RTN1: variants seen among roughly 807,000 people sequenced by gnomAD.
RTN1 encodes the protein reticulon 1.
A neutral mutation model predicts 65.5 loss-of-function variants in RTN1; 25 were observed. The ratio of observed to expected loss-of-function variants is 0.38; its 90% CI spans 0.28 to 0.53. RTN1 has a LOEUF of 0.53. Ranked by LOEUF, RTN1 falls within the 20% of genes least tolerant of loss-of-function variation. The pLI is 0.79. For missense variants in RTN1, 983 were observed against 1,025.4 expected (o/e 0.96, Z 0.57); for synonymous variants, 471 against 447.6 (o/e 1.05, Z -0.66).
intron 1 of RTN1, among the ~76,000 whole-genome samples, chr14:59,776,704 C>T (rs1171371233): frequency 6.6e-6 from 1 of 152,088 alleles, no homozygotes; most frequent in East Asian, 1.9e-4. Context: ...CTCTGATGCT[C>T]CTTTGGAGCT....
chr14:59,778,951 C>G (rs571959553), intron 1 of RTN1, among the ~76,000 whole-genome samples: 95 of 152,110 alleles, frequency 6.2e-4, no homozygotes, highest in African/African-American at 2.2e-3. Context: ...TGGGGAGTCA[C>G]CGAAGGGCTT....
chr14:59,695,838 A>G (rs1884052403), intron 3 of RTN1, among the ~76,000 whole-genome samples: 1 of 151,998 alleles, frequency 6.6e-6, no homozygotes. Context: ...TTATATTTAT[A>G]TATACATATA....
chr14:59,760,942 T>A (rs1022030970), intron 1 of RTN1, among the ~76,000 whole-genome samples: 7 of 152,196 alleles, frequency 4.6e-5, no homozygotes, highest in African/African-American at 1.7e-4. Context: ...GGGACAATAA[T>A]GATACAGAGG....
At chr14:59,724,110 C>T (rs985686893) in intron 3 of RTN1, among the ~76,000 whole-genome samples, 2 of 152,046 alleles carry the variant, frequency 1.3e-5, no homozygotes, top group Admixed American at 6.5e-5. Flanking sequence ...TATAACAGGT[C>T]ATCCTAGAAG....
intron 1 of RTN1, among the ~76,000 whole-genome samples, chr14:59,821,659 ATGGCTC>A (rs1886946606): frequency 6.6e-6 from 1 of 152,148 alleles, no homozygotes; most frequent in Non-Finnish European, 1.5e-5. Flanking sequence ...TTTGTCATAG[ATGGCTC>A]TTACTATCTT....
At chr14:59,606,780 G>A (rs1161681946) in intron 4 of RTN1, among the ~76,000 whole-genome samples, 2 of 152,172 alleles carry the variant, frequency 1.3e-5, no homozygotes, top group African/African-American at 4.8e-5. Context: ...AAATGTAGAG[G>A]AGGATACATG....
chr14:59,826,415 T>C (rs1887031856), intron 1 of RTN1, among the ~76,000 whole-genome samples: 1 of 152,126 alleles, frequency 6.6e-6, no homozygotes, highest in South Asian at 2.1e-4. Context: ...TGTTAATGAG[T>C]ATTGTCCTGG....
At chr14:59,651,734 AAAACAAAC>A (rs754385867) in intron 3 of RTN1, among the ~76,000 whole-genome samples, 3 of 152,032 alleles carry the variant, frequency 2.0e-5, no homozygotes, top group Non-Finnish European at 4.4e-5. Context: ...ACTCCATCTC[AAAACAAAC>A]AAACAAACAA....
chr14:59,848,578 T>C (rs1887450253), intron 1 of RTN1, among the ~76,000 whole-genome samples: 2 of 152,230 alleles, frequency 1.3e-5, no homozygotes. Context: ...GATTTAAGAT[T>C]GGCCATATGA....
intron 3 of RTN1, among the ~76,000 whole-genome samples, chr14:59,624,753 G>A (rs1213090760): frequency 2.0e-5 from 3 of 152,160 alleles, no homozygotes; most frequent in African/African-American, 7.2e-5. Flanking sequence ...TGAGCCAACT[G>A]TGCCTGGCCT....
In RTN1 at chr14:59,738,875, T is replaced by C. The variant is rs367838884; in HGVS notation, c.1015+6833A>G. Among the ~76,000 whole-genome samples the C allele has an allele frequency of 5.1e-4, 78 of 152,290 alleles. 1 individual carries two copies. The highest frequency in any genetic ancestry group is 1.8e-3 in the African/African-American group (73 of 41,574). ...GGACATGGATGGAGCTGGAGGCCATTATCCTTAGCAAACTAATGCAGGAAC... is the reference window on the plus strand; with the variant it reads ...GGACATGGATGGAGCTGGAGGCCATCATCCTTAGCAAACTAATGCAGGAAC... On this transcript the variant is annotated intron_variant, in intron 2 of 8. Transcript: ENST00000267484.
chr14:59,607,197 A>G, intron 4 of RTN1, 88 bp downstream of exon 4: 1 of 1,163,528 alleles, frequency 8.6e-7, no homozygotes, highest in Non-Finnish European at 1.3e-6. Context: ...TCAGAGAAAC[A>G]TGACTCAAGT....
In RTN1 at chr14:59,819,434, C is replaced by G. The variant is rs1374293843; in HGVS notation, c.241+50956G>C. On this transcript the variant is annotated intron_variant, in intron 1 of 8. Transcript: ENST00000267484. ...CCACCACCCCCCCCCCACCCCCCAC[C>G]CCCCCCCCCCGGCCACAGCTAGACA... Among the ~76,000 whole-genome samples, 154 of 19,488 alleles carry G rather than the reference C, an allele frequency of 7.9e-3. 38 individuals carry two copies. Among genetic ancestry groups the G allele is most frequent in the African/African-American group, 0.014 (119 of 8,472 alleles). 12.8% of individuals were successfully genotyped at this position (19,488 alleles called of 152,430 possible).
rs1309914145 is a variant in RTN1 at position 59,870,551 on chromosome 14, T to A, written c.80A>T (p.Glu27Val). The A allele has an allele frequency of 3.4e-6, 5 of 1,455,014 alleles. No homozygotes were observed. Among genetic ancestry groups the A allele is most frequent in the Non-Finnish European group, 2.7e-6 (3 of 1,109,090 alleles). 90.1% of individuals were successfully genotyped at this position (1,455,014 alleles called of 1,614,324 possible). Residue 27 changes from glutamate (E) to valine (V), a missense_variant, in exon 1 of 9, where the codon GAG becomes GTG. Around this residue, in one of 2 missense-constraint regions of RTN1, gnomAD observed 818 missense variants for 801.8 expected, o/e 1.02. Transcript: ENST00000267484. The surrounding 1 kb of genome is among the most constrained non-coding windows in gnomAD (Gnocchi z 5.1). ...CGGCGTCACCGCTTCGTTCTCCCCC[T>A]CCCCCCGGTGCCTGAGCCACTGGGA... is the stretch of plus-strand genomic sequence containing the variant. ...PGSQWLRHRG[E>V]GENEAVTPKG... is the part of the protein sequence containing the mutation.
At chr14:59,795,660 G>A (rs1380160679) in intron 1 of RTN1, among the ~76,000 whole-genome samples, 1 of 152,136 alleles carries the variant, frequency 6.6e-6, no homozygotes, top group African/African-American at 2.4e-5. Context: ...CACCTCTAGA[G>A]TTTTAAAACA....
At chr14:59,714,195 A>C (rs112773057) in intron 3 of RTN1, among the ~76,000 whole-genome samples, 10,812 of 151,350 alleles carry the variant, frequency 0.071, 1,232 homozygotes, top group African/African-American at 0.25. Context: ...AGATTGTGCC[A>C]TTGCCTCCAG....
chr14:59,868,067 C>CT lies in RTN1; in HGVS notation c.241+2322dup, dbSNP rs2139682609. ...ATCTCTGATACAATTGAGGGCTCACCTGCTAACTTTGCTTATAGCAATAGA... is the reference window on the plus strand; with the variant it reads ...ATCTCTGATACAATTGAGGGCTCACCTTGCTAACTTTGCTTATAGCAATAGA... On this transcript the variant is annotated intron_variant, in intron 1 of 8. Coordinates refer to ENST00000267484, the MANE Select transcript of RTN1 (RefSeq NM_021136.3). This position sits in a 1 kb window ranked among gnomAD's most constrained non-coding sequence, Gnocchi z 4.0. 6.6e-6 allele frequency among the ~76,000 whole-genome samples: 1 copy of CT among 152,346 alleles called. No homozygotes were observed. Among genetic ancestry groups the CT allele is most frequent in the African/African-American group, 2.4e-5 (1 of 41,576 alleles).
intron 2 of RTN1, among the ~76,000 whole-genome samples, chr14:59,744,304 G>C (rs925940537): frequency 6.6e-6 from 1 of 152,204 alleles, no homozygotes; most frequent in African/African-American, 2.4e-5. Context: ...CCAGGGGCAG[G>C]GGAAGGTTTG....
At chr14:59,845,346 A>G (rs1957309) in intron 1 of RTN1, among the ~76,000 whole-genome samples, 62,246 of 152,026 alleles carry the variant, frequency 0.41, 13,504 homozygotes, top group East Asian at 0.64. Context: ...TCCTGTATCC[A>G]CATCTCACTT....
Sources: allele counts gnomAD v4.1 joint callset (sites outside exome capture counted in the v4.1 genomes callset), GRCh38; gene constraint gnomAD v4.1.1; regional missense constraint gnomAD v4.1.1; non-coding constraint Gnocchi (gnomAD v3.1); transcripts MANE v1.5; gene names NCBI Gene and HGNC (gene_info 2026-07-23, HGNC 2026-07-21).